Variants in BRCC3 observed in about 807,000 individuals in gnomAD.
BRCC3 encodes the protein BRCA1/BRCA2-containing complex subunit 3.
A neutral mutation model predicts 28.0 loss-of-function variants in BRCC3; 15 were observed. The ratio of observed to expected loss-of-function variants is 0.54; its 90% confidence interval spans 0.36 to 0.82. The LOEUF (loss-of-function observed/expected upper bound fraction) is 0.82, where lower values mean the gene tolerates loss of function less well. Ranked by LOEUF, BRCC3 falls within the 40% of genes least tolerant of loss-of-function variation. BRCC3 has a pLI of 0.01. For missense variants in BRCC3, 109 were observed against 225.9 expected (o/e 0.48, Z 3.32); for synonymous variants, 66 against 80.3 (o/e 0.82, Z 0.95).
At chrX:155,096,815 A>G (rs1043998572) in intron 7 of BRCC3, among the ~76,000 whole-genome samples, 2 of 112,294 alleles carry the variant, frequency 1.8e-5, no homozygotes, top group African/African-American at 6.5e-5. Context: ...ATAGACACAT[A>G]GACTAATAGG....
In BRCC3 at chrX:155,120,032, C is replaced by A. The variant is rs1557299226; in HGVS notation, c.758C>A (p.Ala253Glu). The A allele has an allele frequency of 8.3e-7, 1 of 1,207,490 alleles. No individual in the cohort carries two copies. The highest frequency in any genetic ancestry group is 1.8e-5 in the South Asian group (1 of 56,373). ...FTKNLCSQMS[A>E]VSGPLLQWLE... ...AAGAATCTGTGCAGTCAGATGTCGG[C>A]AGTCAGCGGGCCTCTCCTACAGTGG... The change falls in exon 10 of 11, where the codon GCA (alanine) becomes GAA (glutamate). Residue 253 changes from alanine (A) to glutamate (E), a missense_variant. Ala to Glu is a moderately radical substitution (Grantham distance 107). Transcript: ENST00000330045.
At chrX:155,082,893 A>G (rs2074094223) in intron 5 of BRCC3, among the ~76,000 whole-genome samples, 1 of 111,974 alleles carries the variant, frequency 8.9e-6, no homozygotes, top group Admixed American at 9.5e-5. Context: ...TTTCCTCTGG[A>G]CCAGCTCCTT....
In BRCC3 at chrX:155,106,014, G is replaced by C. The variant is rs1464719778; in HGVS notation, c.549-10043G>C. ...GACCCTGACTATTCTTACATGTTTG[G>C]TTTTTCATGTGAACCTTACTATCAA... On this transcript the variant is annotated intron_variant, in intron 7 of 10. Coordinates refer to ENST00000330045, the MANE Select transcript of BRCC3 (RefSeq NM_001018055.3). 2.7e-5 allele frequency among the ~76,000 whole-genome samples: 3 copies of C among 112,041 alleles called. No individual in the cohort carries two copies. The Admixed American group carries it at 2.8e-4, about 11-fold the overall frequency.
intron 5 of BRCC3, among the ~76,000 whole-genome samples, chrX:155,086,512 G>C (rs931312771): frequency 9.0e-6 from 1 of 110,877 alleles, no homozygotes; most frequent in Admixed American, 9.5e-5. Context: ...CACCACGCCT[G>C]GCTAATTTTT....
intron 7 of BRCC3, among the ~76,000 whole-genome samples, chrX:155,101,722 G>C (rs1339140252): frequency 1.8e-5 from 2 of 111,554 alleles, no homozygotes; most frequent in African/African-American, 6.5e-5. Flanking sequence ...TCTAGCACAA[G>C]TAGATGTTCC....
intron 9 of BRCC3, among the ~76,000 whole-genome samples, chrX:155,118,288 C>CATT (rs2074369558): frequency 1.0e-5 from 1 of 98,599 alleles, no homozygotes. Context: ...GTCTCAAGAA[C>CATT]ATTATGCCAG....
chrX:155,074,320 C>G (rs1230315891), intron 3 of BRCC3, among the ~76,000 whole-genome samples: 1 of 112,300 alleles, frequency 8.9e-6, no homozygotes, highest in Non-Finnish European at 1.9e-5. Flanking sequence ...AATAGCCAGA[C>G]TTCTTAAAAG....
chrX:155,120,106 C>G lies in BRCC3; in HGVS notation c.832C>G (p.Gln278Glu), dbSNP rs1557299254. ...QNQQHLQELQ[Q>E]EKEELMQELS... ...CCAACAGCATTTGCAGGAATTACAA[C>G]AAGAAAAGGAAGAGCTTATGCAAGA... is the stretch of plus-strand genomic sequence containing the variant. The change falls in exon 10 of 11, where the codon CAA becomes GAA. Residue 278 changes from glutamine to glutamate, a missense_variant. Coordinates refer to ENST00000330045, the MANE Select transcript of BRCC3 (RefSeq NM_001018055.3). 2 of 1,209,461 alleles carry G rather than the reference C, an allele frequency of 1.7e-6. No homozygotes were observed. Among genetic ancestry groups the G allele is most frequent in the South Asian group, 1.8e-5 (1 of 56,838 alleles).
Position 155,105,554 on chromosome X carries a change from T to C in BRCC3, c.549-10503T>C, listed in dbSNP as rs139772694. Among the ~76,000 whole-genome samples, 633 of 112,585 alleles carry C rather than the reference T, an allele frequency of 5.6e-3. 5 individuals are homozygous for C. Among genetic ancestry groups the C allele is most frequent in the African/African-American group, 0.019 (592 of 30,976 alleles). ...TTTTACCATATATGAAAGCTCCCTA[T>C]TCACTTGGATCTCTTTCTTTTTATT... On this transcript the variant is annotated intron_variant, in intron 7 of 10. Coordinates refer to ENST00000330045, the MANE Select transcript of BRCC3 (RefSeq NM_001018055.3).
intron 7 of BRCC3, among the ~76,000 whole-genome samples, chrX:155,108,351 C>A (rs782558014): frequency 8.9e-6 from 1 of 111,782 alleles, no homozygotes; most frequent in East Asian, 2.8e-4. Context: ...GGGTTGTTTC[C>A]AATTTGGGGC....
chrX:155,109,328 G>C (rs1250273979), intron 7 of BRCC3, among the ~76,000 whole-genome samples: 1 of 111,082 alleles, frequency 9.0e-6, no homozygotes, highest in Non-Finnish European at 1.9e-5. Flanking sequence ...TTTTAAAATC[G>C]GTTTGTTGAT....
At chrX:155,086,589 C>T (rs1175630887) in intron 5 of BRCC3, among the ~76,000 whole-genome samples, 1 of 110,349 alleles carries the variant, frequency 9.1e-6, no homozygotes, top group East Asian at 2.9e-4. Flanking sequence ...AAACTCATGA[C>T]CTCAGGTGGT....
chrX:155,092,733 C>T (rs1314297840), intron 7 of BRCC3, among the ~76,000 whole-genome samples: 2 of 110,954 alleles, frequency 1.8e-5, no homozygotes, highest in Non-Finnish European at 3.8e-5. Flanking sequence ...CTTCTCTAGG[C>T]CTACTGCACA....
chrX:155,076,577 A>G (rs992149644), intron 3 of BRCC3, among the ~76,000 whole-genome samples: 2 of 110,116 alleles, frequency 1.8e-5, no homozygotes, highest in Non-Finnish European at 1.9e-5. Context: ...TGAGGGGGGA[A>G]GTGCCACACT....
intron 7 of BRCC3, among the ~76,000 whole-genome samples, chrX:155,112,067 TAGA>T (rs1557298207): frequency 1.8e-5 from 2 of 112,097 alleles, no homozygotes; most frequent in Non-Finnish European, 3.8e-5. Flanking sequence ...ATTTCAAAGA[TAGA>T]AGATTTGTTC....
intron 7 of BRCC3, among the ~76,000 whole-genome samples, chrX:155,107,742 A>T (rs1250239689): frequency 9.0e-6 from 1 of 111,519 alleles, no homozygotes; most frequent in Non-Finnish European, 1.9e-5. Flanking sequence ...GAAAGAAGGT[A>T]TGCTTTTTTA....
chrX:155,084,271 TC>T (rs1267283301), intron 5 of BRCC3, among the ~76,000 whole-genome samples: 1 of 112,615 alleles, frequency 8.9e-6, no homozygotes, highest in Non-Finnish European at 1.9e-5. Flanking sequence ...TAAATGCTTA[TC>T]CAAGGAGACA....
chrX:155,100,164 T>C (rs1341697878), intron 7 of BRCC3, among the ~76,000 whole-genome samples: 2 of 111,952 alleles, frequency 1.8e-5, no homozygotes, highest in Non-Finnish European at 3.8e-5. Context: ...CTTTATTGTA[T>C]GGATATTTTT....
intron 7 of BRCC3, among the ~76,000 whole-genome samples, chrX:155,113,076 T>A (rs1203796730): frequency 9.3e-6 from 1 of 106,997 alleles, no homozygotes; most frequent in Admixed American, 1.0e-4. Flanking sequence ...AAGTGATCTG[T>A]AGATTTAATG....
Sources: gnomAD v4.1 joint callset for allele counts (sites outside exome capture counted in the v4.1 genomes callset) on GRCh38, gnomAD v4.1.1 for gene constraint, MANE v1.5 for transcripts, NCBI Gene and HGNC (gene_info 2026-07-23, HGNC 2026-07-21) for gene names.